The following ARCN1 variants were observed in gnomAD, a reference collection of about 807,000 sequenced individuals.
ARCN1 encodes coatomer subunit delta.
ARCN1 carries 5 observed loss-of-function variants against 60.4 expected under a neutral mutation model. That is an observed-to-expected ratio of 0.08 (90% CI 0.04 to 0.17). The LOEUF (loss-of-function observed/expected upper bound fraction) is 0.17, where lower values mean the gene tolerates loss of function less well. Ranked by LOEUF, ARCN1 falls within the 10% of genes least tolerant of loss-of-function variation. The pLI, the probability that ARCN1 is intolerant of heterozygous loss-of-function variation, is 1.00. For missense variants in ARCN1, 464 were observed against 626.5 expected (o/e 0.74, Z 2.77); for synonymous variants, 224 against 220.0 (o/e 1.02, Z -0.16).
chr11:118,575,069 C>T (rs1555073230), intron 1 of ARCN1, among the ~76,000 whole-genome samples: 1 of 152,154 alleles, frequency 6.6e-6, no homozygotes, highest in African/African-American at 2.4e-5. Flanking sequence ...ACTTCTGCCT[C>T]CCGGGTTCAA....
rs1555078436 is a variant in ARCN1, at chr11:118,603,032, A to G, written c.*2318A>G. The G allele has an allele frequency of 6.5e-6, 1 of 153,676 alleles. No individual in the cohort carries two copies. Among genetic ancestry groups the G allele is most frequent in the East Asian group, 1.9e-4 (1 of 5,186 alleles). 9.5% of individuals were successfully genotyped at this position (153,676 alleles called of 1,614,324 possible). ...TTAATGACATGTTTTTTTTAAGAGA[A>G]AGTAATCTGTGAGAGTATTCATTGC... is the stretch of plus-strand genomic sequence containing the variant. On this transcript the variant is annotated 3_prime_UTR_variant, in exon 10 of 10. Transcript: ENST00000264028.
intron 2 of ARCN1, among the ~76,000 whole-genome samples, chr11:118,582,624 G>T (rs1938683547): frequency 6.6e-6 from 1 of 151,548 alleles, no homozygotes; most frequent in African/African-American, 2.4e-5. Context: ...TACTCAGGAG[G>T]CTGAGGCATG....
intron 9 of ARCN1, among the ~76,000 whole-genome samples, chr11:118,598,458 G>A (rs1434420157): frequency 6.6e-6 from 1 of 150,566 alleles, no homozygotes; most frequent in Non-Finnish European, 1.5e-5. Flanking sequence ...GGTAGGCAAA[G>A]CAATGGAGAT....
intron 8 of ARCN1, among the ~76,000 whole-genome samples, chr11:118,597,110 G>C (rs1555077298): frequency 6.6e-6 from 1 of 152,200 alleles, no homozygotes; most frequent in Non-Finnish European, 1.5e-5. Context: ...GGGAGGCTGA[G>C]GCAGGAGAAT....
chr11:118,592,988 C>T (rs1938946316), intron 7 of ARCN1, 132 bp downstream of exon 7: 8 of 867,306 alleles, frequency 9.2e-6, no homozygotes, highest in African/African-American at 1.7e-5. Context: ...TGAAATGGAC[C>T]TGGTGCTGCA....
chr11:118,572,747 TGTC>T lies in ARCN1; in HGVS notation c.3+203_3+205del, dbSNP rs1369524023. 3.3e-5 allele frequency: 18 copies of T among 549,818 alleles called. No homozygotes were observed. In the Admixed American group the frequency reaches 3.9e-4, roughly 12 times the overall value. 34.1% of individuals were successfully genotyped at this position (549,818 alleles called of 1,614,324 possible). ...CCGATGGAGCTGACTCCAGTCCATC[TGTC>T]GTCGTGCCCGCTTCCGCACCACCCC... On this transcript the variant is annotated intron_variant, in intron 1 of 9. Coordinates refer to ENST00000264028, the MANE Select transcript of ARCN1 (RefSeq NM_001655.5).
At position 118,583,789 on chromosome 11, in the gene ARCN1, A is replaced by G; in HGVS notation, c.448-20A>G. The G allele has an allele frequency of 1.9e-6, 3 of 1,610,074 alleles. No individual in the cohort carries two copies. Among genetic ancestry groups the G allele is most frequent in the Non-Finnish European group, 2.5e-6 (3 of 1,178,940 alleles). ...AAACCCAAAAAAAAAAGCTACATTA[A>G]TGTATGTCTTTTTCTGTAGACTCAA... On this transcript the variant is annotated intron_variant, in intron 3 of 9. Transcript: ENST00000264028.
chr11:118,576,426 TAAAAAAAAAAAAAAA>T (rs10671866), intron 1 of ARCN1, among the ~76,000 whole-genome samples: 2 of 108,778 alleles, frequency 1.8e-5, no homozygotes, highest in Non-Finnish European at 3.5e-5. Context: ...CCAAAAATGT[TAAAAAAAAAAAAAAA>T]AAAAAAAACC....
intron 4 of ARCN1, 39 bp downstream of exon 4, chr11:118,584,053 G>A: frequency 6.4e-7 from 1 of 1,564,974 alleles, no homozygotes; most frequent in Non-Finnish European, 8.7e-7. Flanking sequence ...GGTGAAGGGT[G>A]TATATGTGTC....
intron 1 of ARCN1, among the ~76,000 whole-genome samples, chr11:118,578,164 A>AAAT (rs1938566366): frequency 7.1e-6 from 1 of 141,544 alleles, no homozygotes; most frequent in African/African-American, 2.6e-5. Flanking sequence ...ACTCTCTCAA[A>AAAT]AAATAAATAA....
At chr11:118,592,658 T>G in intron 6 of ARCN1, 51 bp from the exon 7 acceptor site, 8 of 1,513,844 alleles carry the variant, frequency 5.3e-6, no homozygotes, top group Non-Finnish European at 7.2e-6. Flanking sequence ...AGTGAGGGGT[T>G]GTTTCTCGTC....
chr11:118,577,840 T>G (rs1465418354), intron 1 of ARCN1, among the ~76,000 whole-genome samples: 15 of 152,166 alleles, frequency 9.9e-5, no homozygotes, highest in Admixed American at 7.9e-4. Context: ...GTACCTATAA[T>G]TAGTTTTTGA....
At chr11:118,592,562 AG>A (rs1938936032) in intron 6 of ARCN1, 146 bp from the exon 7 acceptor site, 1 of 549,632 alleles carries the variant, frequency 1.8e-6, no homozygotes, top group South Asian at 4.7e-5. Context: ...TCTTTGAAGA[AG>A]GGAAATCTTT....
Position 118,598,820 on chromosome 11 carries a change from G to A in ARCN1, c.1446+909G>A, listed in dbSNP as rs1252210200. Among the ~76,000 whole-genome samples the A allele has an allele frequency of 4.0e-5, 6 of 151,360 alleles. No homozygotes were observed. In the South Asian group the frequency reaches 1.0e-3, roughly 26 times the overall value. ...GATTTTTTTCCTTTTTTTCTGAGACGGAGTCTTGCTCTGTTGCCCAGGCTG... is the reference window on the plus strand; with the variant it reads ...GATTTTTTTCCTTTTTTTCTGAGACAGAGTCTTGCTCTGTTGCCCAGGCTG... On this transcript the variant is annotated intron_variant, in intron 9 of 9. Transcript: ENST00000264028.
At chr11:118,596,776 T>C (rs1368209156) in intron 8 of ARCN1, among the ~76,000 whole-genome samples, 1 of 152,220 alleles carries the variant, frequency 6.6e-6, no homozygotes, top group Non-Finnish European at 1.5e-5. Context: ...TACGGATCTG[T>C]TTCTCCCATC....
intron 1 of ARCN1, among the ~76,000 whole-genome samples, chr11:118,578,704 G>A (rs986826119): frequency 1.3e-4 from 20 of 151,940 alleles, no homozygotes; most frequent in African/African-American, 4.6e-4. Context: ...TGGGGGGAGA[G>A]TCAATATTCA....
At chr11:118,598,998 C>T (rs371874313) in intron 9 of ARCN1, among the ~76,000 whole-genome samples, 4 of 150,634 alleles carry the variant, frequency 2.7e-5, no homozygotes, top group South Asian at 2.1e-4. Context: ...TTCACCATAT[C>T]GGTCAGGCTG....
At chr11:118,592,497 C>T (rs1801915115) in intron 6 of ARCN1, among the ~76,000 whole-genome samples, 1 of 151,604 alleles carries the variant, frequency 6.6e-6, no homozygotes, top group Admixed American at 6.6e-5. Context: ...TTGAAATTAG[C>T]TTTTTTTTTA....
chr11:118,581,165 T>C, intron 1 of ARCN1, 81 bp from the exon 2 acceptor site: 1 of 1,533,630 alleles, frequency 6.5e-7, no homozygotes, highest in Non-Finnish European at 8.9e-7. Flanking sequence ...AATATGTCAT[T>C]CTATGGAACA....
Sources: allele counts gnomAD v4.1 joint callset (sites outside exome capture counted in the v4.1 genomes callset), GRCh38; gene constraint gnomAD v4.1.1; transcripts MANE v1.5; gene names NCBI Gene and HGNC (gene_info 2026-07-23, HGNC 2026-07-21).